AGBL1: variants seen among roughly 807,000 people sequenced by gnomAD.
AGBL1 encodes cytosolic carboxypeptidase 4.
A neutral mutation model predicts 118.9 loss-of-function variants in AGBL1; 130 were observed. That is an observed-to-expected ratio of 1.09 (90% CI 0.95 to 1.26). The LOEUF (loss-of-function observed/expected upper bound fraction) is 1.26, where lower values mean the gene tolerates loss of function less well. Ranked by LOEUF, AGBL1 falls within the 50% of genes most tolerant of loss-of-function variation. The pLI is 0.00. For missense variants in AGBL1, 1,584 were observed against 1,298.1 expected (o/e 1.22, Z -3.38); for synonymous variants, 555 against 478.9 (o/e 1.16, Z -2.08).
intron 22 of AGBL1, among the ~76,000 whole-genome samples, chr15:86,789,808 C>CA (rs964323577): frequency 2.0e-5 from 3 of 152,136 alleles, no homozygotes; most frequent in African/African-American, 7.2e-5. Context: ...TAAGATATCT[C>CA]ACCCTTGCCT....
At chr15:86,492,679 A>T (rs1311325506) in intron 18 of AGBL1, among the ~76,000 whole-genome samples, 3 of 152,058 alleles carry the variant, frequency 2.0e-5, no homozygotes, top group African/African-American at 4.8e-5. Flanking sequence ...ATAGGAAACC[A>T]TTGATGAGTT....
chr15:86,893,903 T>G (rs1175950618), intron 22 of AGBL1, among the ~76,000 whole-genome samples: 2 of 152,140 alleles, frequency 1.3e-5, no homozygotes, highest in East Asian at 3.8e-4. Flanking sequence ...ACAATAAGAT[T>G]CCCATTTTAC....
intron 21 of AGBL1, among the ~76,000 whole-genome samples, chr15:86,646,736 T>A (rs764596575): frequency 8.5e-5 from 13 of 152,206 alleles, no homozygotes; most frequent in Non-Finnish European, 1.3e-4. Flanking sequence ...CATTAGTCAG[T>A]CCTATGACCT....
chr15:86,547,902 T>G (rs1302534027), intron 20 of AGBL1, among the ~76,000 whole-genome samples: 2 of 152,194 alleles, frequency 1.3e-5, no homozygotes, highest in Admixed American at 6.6e-5. Flanking sequence ...GAAGTGAATA[T>G]GGTTTGGTCA....
At chr15:86,131,509 T>G (rs368988658) in intron 1 of AGBL1, among the ~76,000 whole-genome samples, 7 of 152,226 alleles carry the variant, frequency 4.6e-5, no homozygotes, top group Non-Finnish European at 8.8e-5. Context: ...ATGTTTGCTT[T>G]TGAGTAAATT....
chr15:86,258,690 TG>T (rs918844488), intron 9 of AGBL1, among the ~76,000 whole-genome samples: 1 of 152,152 alleles, frequency 6.6e-6, no homozygotes, highest in Admixed American at 6.5e-5. Flanking sequence ...TGTAAACAAA[TG>T]GGCATGGCTG....
chr15:86,844,102 G>T (rs569305817), intron 22 of AGBL1, among the ~76,000 whole-genome samples: 65 of 151,998 alleles, frequency 4.3e-4, no homozygotes, highest in Non-Finnish European at 8.1e-4. Context: ...CTGTTGTATG[G>T]GTATACCATA....
chr15:86,730,730 C>T (rs1240855620), intron 22 of AGBL1, among the ~76,000 whole-genome samples: 1 of 152,160 alleles, frequency 6.6e-6, no homozygotes, highest in Non-Finnish European at 1.5e-5. Flanking sequence ...TGGGAATGGA[C>T]TTTACAAGTG....
chr15:86,436,216 T>C (rs2081999336), intron 18 of AGBL1, among the ~76,000 whole-genome samples: 1 of 151,394 alleles, frequency 6.6e-6, no homozygotes, highest in Non-Finnish European at 1.5e-5. Context: ...GGAGATCTAG[T>C]AGCATCCCAG....
intron 22 of AGBL1, among the ~76,000 whole-genome samples, chr15:86,721,886 T>C (rs1057372870): frequency 6.6e-5 from 10 of 152,160 alleles, no homozygotes; most frequent in Non-Finnish European, 1.3e-4. Flanking sequence ...AGCCAAATCA[T>C]GAGTGACCTC....
At chr15:86,916,911 T>G (rs1485688300), downstream of AGBL1, among the ~76,000 whole-genome samples, 1 of 152,120 alleles carries the variant, frequency 6.6e-6, no homozygotes, top group African/African-American at 2.4e-5. Context: ...GCAGTGCCGT[T>G]GATATCCTGC....
chr15:86,318,733 G>C (rs1421826017), intron 17 of AGBL1, among the ~76,000 whole-genome samples: 1 of 135,528 alleles, frequency 7.4e-6, no homozygotes, highest in Non-Finnish European at 1.6e-5. Context: ...GCAGGGATTG[G>C]TCAGGATTTG....
chr15:86,793,960 G>A (rs2078534842), intron 22 of AGBL1, among the ~76,000 whole-genome samples: 1 of 152,194 alleles, frequency 6.6e-6, no homozygotes, highest in East Asian at 1.9e-4. Context: ...ACCAGCGTTG[G>A]TGAGGCTACA....
intron 22 of AGBL1, among the ~76,000 whole-genome samples, chr15:86,854,037 C>T (rs2141464931): frequency 6.6e-6 from 1 of 152,222 alleles, no homozygotes; most frequent in Middle Eastern, 3.4e-3. Flanking sequence ...CATTTTGCAC[C>T]TTCCAAGTAC....
chr15:86,952,840 T>G (rs1027760077), intron 23 of AGBL1, among the ~76,000 whole-genome samples: 1 of 152,216 alleles, frequency 6.6e-6, no homozygotes, highest in Non-Finnish European at 1.5e-5. Context: ...TTAATCTATT[T>G]TCAGTTAATT....
At chr15:86,193,138 G>C (rs1597524046) in intron 5 of AGBL1, among the ~76,000 whole-genome samples, 1 of 152,128 alleles carries the variant, frequency 6.6e-6, no homozygotes, top group East Asian at 1.9e-4. Flanking sequence ...AAGAATCTTT[G>C]GGAACCCTCT....
intron 21 of AGBL1, among the ~76,000 whole-genome samples, chr15:86,646,255 C>T (rs2085278243): frequency 6.6e-6 from 1 of 152,108 alleles, no homozygotes; most frequent in African/African-American, 2.4e-5. Flanking sequence ...CTGCAGAGAG[C>T]CATGCTGATT....
chr15:86,691,071 T>C (rs2086158917), intron 22 of AGBL1, among the ~76,000 whole-genome samples: 1 of 152,074 alleles, frequency 6.6e-6, no homozygotes, highest in Non-Finnish European at 1.5e-5. Flanking sequence ...CCTAGACAAT[T>C]TTCTCTATTA....
chr15:86,184,768 A>G (rs1295559950), intron 5 of AGBL1, among the ~76,000 whole-genome samples: 1 of 152,178 alleles, frequency 6.6e-6, no homozygotes, highest in East Asian at 1.9e-4. Context: ...CTTTCTTCAC[A>G]GAATTGGAAA....
Sources: gnomAD v4.1 joint callset for allele counts (sites outside exome capture counted in the v4.1 genomes callset) on GRCh38, gnomAD v4.1.1 for gene constraint, MANE v1.5 for transcripts, NCBI Gene and HGNC (gene_info 2026-07-23, HGNC 2026-07-21) for gene names.